Variants in IGSF9B observed in about 807,000 individuals in gnomAD.
IGSF9B encodes immunoglobulin superfamily member 9B.
Under a neutral mutation model 143.7 loss-of-function variants are expected in IGSF9B, and 48 were observed. The ratio of observed to expected loss-of-function variants is 0.33; its 90% CI spans 0.26 to 0.42. The LOEUF is 0.42. Among genes scored for constraint, IGSF9B ranks in the 20% least tolerant of loss-of-function variants. IGSF9B has a pLI of 1.00. For synonymous variants in IGSF9B, 903 were observed against 833.1 expected (o/e 1.08, Z -1.44); for missense variants, 1,706 against 1,980.0 (o/e 0.86, Z 2.63).
chr11:133,948,336 A>G lies in IGSF9B; in HGVS notation c.65-2078T>C, dbSNP rs1940096558. 6.6e-6 allele frequency among the ~76,000 whole-genome samples: 1 copy of G among 152,166 alleles called. No homozygotes were observed. Among genetic ancestry groups the G allele is most frequent in the Non-Finnish European group, 1.5e-5 (1 of 68,030 alleles). On this transcript the variant is annotated intron_variant, in intron 1 of 19. Transcript: ENST00000533871. The surrounding 1 kb of genome is among the most constrained non-coding windows in gnomAD (Gnocchi z 4.7). ...TCACAGTTTTCTAGAGAAAGAGCTA[A>G]GATCACAGAGTATTTTTGGAGCAGA...
At chr11:133,923,234 C>T (rs898096485) in intron 15 of IGSF9B, among the ~76,000 whole-genome samples, 2 of 152,230 alleles carry the variant, frequency 1.3e-5, no homozygotes, top group African/African-American at 4.8e-5. Context: ...ACACCAGTGT[C>T]TCTACAAAAG....
intron 3 of IGSF9B, 121 bp downstream of exon 3, chr11:133,944,098 GA>G: frequency 9.3e-7 from 1 of 1,075,174 alleles, no homozygotes; most frequent in East Asian, 2.6e-5. Flanking sequence ...CAGCAACAAG[GA>G]GGGGGGCAGG....
rs376746067 is a variant in IGSF9B, at chr11:133,923,349, C to T, written c.2120-619G>A. ...CTCCCCTTCTAGTACAGGCATGCAA[C>T]GTCCTGAAGATTCGCATCCTGGTCA... On this transcript the variant is annotated intron_variant, in intron 15 of 19. Coordinates refer to ENST00000533871, the MANE Select transcript of IGSF9B (RefSeq NM_001277285.4). Among the ~76,000 whole-genome samples the T allele has an allele frequency of 8.5e-5, 13 of 152,228 alleles. 1 individual carries two copies. Among genetic ancestry groups the T allele is most frequent in the South Asian group, 8.3e-4 (4 of 4,834 alleles).
chr11:133,955,216 GC>G, intron 1 of IGSF9B, among the ~76,000 whole-genome samples: 1 of 152,242 alleles, frequency 6.6e-6, no homozygotes, highest in African/African-American at 2.4e-5. Flanking sequence ...GTCAAGCGCA[GC>G]CCGATGCACC....
chr11:133,912,082 C>A, intron 18 of IGSF9B, 75 bp from the exon 19 acceptor site: 1 of 1,459,486 alleles, frequency 6.9e-7, no homozygotes, highest in Non-Finnish European at 9.0e-7. Flanking sequence ...TGGAAGAAAG[C>A]CAAGTAGCTG....
In IGSF9B at chr11:133,919,748, G is replaced by T; in HGVS notation, c.3977C>A (p.Thr1326Asn). 6.9e-7 allele frequency: 1 copy of T among 1,458,450 alleles called. No individual in the cohort carries two copies. Among genetic ancestry groups the T allele is most frequent in the South Asian group, 1.6e-5 (1 of 63,492 alleles). The allele number at this position is 1,458,450 out of a possible 1,614,324, so 90.3% of individuals were successfully genotyped here. ...RPETPPPTLP[T>N]SGTLPPAPGN... Reference sequence around the variant, plus strand: ...GAAGAGGCGGCGCACTCACCCTGAAGTAGGTAACGTGGGTGGTGGGGTCTC... The same window carrying T: ...GAAGAGGCGGCGCACTCACCCTGAATTAGGTAACGTGGGTGGTGGGGTCTC... The change falls in exon 18 of 20, where the codon ACT (threonine) becomes AAT (asparagine). Residue 1326 changes from threonine (T) to asparagine (N), a missense_variant. Around this residue, in one of 7 missense-constraint regions of IGSF9B, gnomAD observed 880 missense variants for 762.9 expected, o/e 1.15. Coordinates refer to ENST00000533871, the MANE Select transcript of IGSF9B (RefSeq NM_001277285.4).
chr11:133,949,423 T>C (rs977167187), intron 1 of IGSF9B, among the ~76,000 whole-genome samples: 2 of 152,062 alleles, frequency 1.3e-5, no homozygotes, highest in African/African-American at 2.4e-5. Context: ...GTATGTCTAA[T>C]AACACACTCT....
intron 13 of IGSF9B, 50 bp from the exon 14 acceptor site, chr11:133,926,015 C>T: frequency 7.6e-7 from 1 of 1,316,524 alleles, no homozygotes; most frequent in South Asian, 1.3e-5. Flanking sequence ...AGGCCCAGGG[C>T]AGCCACCGCA....
At position 133,946,157 on chromosome 11, in the gene IGSF9B, G is replaced by T. The variant is rs775086019; in HGVS notation, c.166C>A (p.Pro56Thr). The change falls in exon 2 of 20, where the codon CCA becomes ACA. Residue 56 changes from proline (P) to threonine (T), a missense_variant. Physicochemically the swap from Pro to Thr is conservative, Grantham distance 38. Coordinates refer to ENST00000533871, the MANE Select transcript of IGSF9B (RefSeq NM_001277285.4). The stretch of plus-strand genomic sequence containing the variant: ...TTGAACCACTCTACGACATAGGGTG[G>T]GGGCTGTCCCGTCACTGGGTGGATC... ...DVIHPVTGQP[P>T]PYVVEWFKFG... is the part of the protein sequence containing the mutation. 1 of 1,613,132 alleles carries T rather than the reference G, an allele frequency of 6.2e-7. No homozygotes were observed. The highest frequency in any genetic ancestry group is 8.5e-7 in the Non-Finnish European group (1 of 1,179,686).
chr11:133,946,492 G>C (rs1257389528), intron 1 of IGSF9B, among the ~76,000 whole-genome samples: 2 of 151,658 alleles, frequency 1.3e-5, no homozygotes, highest in South Asian at 4.2e-4. Flanking sequence ...AAGGAAGGGA[G>C]AGGAAAAGAG....
At chr11:133,930,859 A>C (rs1939711451) in intron 11 of IGSF9B, 125 bp downstream of exon 11, 2 of 1,016,710 alleles carry the variant, frequency 2.0e-6, no homozygotes, top group Non-Finnish European at 2.8e-6. Context: ...TCAGGGCTGC[A>C]CTGACTTAGG....
At chr11:133,935,843 A>G in intron 6 of IGSF9B, 81 bp from the exon 7 acceptor site, 1 of 1,538,404 alleles carries the variant, frequency 6.5e-7, no homozygotes, top group Non-Finnish European at 8.8e-7. Flanking sequence ...TCACTGCCCC[A>G]GATGTGGCAT....
intron 5 of IGSF9B, among the ~76,000 whole-genome samples, chr11:133,937,114 G>A (rs1939838708): frequency 6.6e-6 from 1 of 152,184 alleles, no homozygotes; most frequent in Non-Finnish European, 1.5e-5. Context: ...GGAGAAACCA[G>A]AAACCCACAC....
At position 133,901,371 on chromosome 11, in the gene IGSF9B, A is replaced by C. The variant is rs1453072360; in HGVS notation, c.*7698T>G. ...CAAAACATCTCTAAGCACAGGTACA[A>C]AAATAAAGCAAACTATGACTTCATA... is the stretch of plus-strand genomic sequence containing the variant. On this transcript the variant is annotated 3_prime_UTR_variant, in exon 20 of 20. Transcript: ENST00000533871. 1 of 152,136 alleles carries C rather than the reference A, an allele frequency of 6.6e-6. No homozygotes were observed. Among genetic ancestry groups the C allele is most frequent in the Non-Finnish European group, 1.5e-5 (1 of 68,030 alleles). The allele number at this position is 152,136 out of a possible 1,614,324, so 9.4% of individuals were successfully genotyped here. A position where few individuals can be genotyped will look rare whatever the true frequency, so the allele number is the denominator to read the frequency against.
chr11:133,910,438 G>A (rs1054903389), intron 19 of IGSF9B, among the ~76,000 whole-genome samples: 2 of 152,154 alleles, frequency 1.3e-5, no homozygotes, highest in African/African-American at 4.8e-5. Flanking sequence ...TGTTGCAAAG[G>A]CTGAGCTAAC....
chr11:133,920,363 C>T lies in IGSF9B; in HGVS notation c.3362G>A (p.Trp1121Ter). The T allele has an allele frequency of 6.2e-7, 1 of 1,604,938 alleles. No homozygotes were observed. Among genetic ancestry groups the T allele is most frequent in the Non-Finnish European group, 8.5e-7 (1 of 1,176,142 alleles). The change falls in exon 18 of 20, where the codon TGG becomes TAG. Residue 1121 changes from tryptophan (W) to a stop codon, truncating the protein, a stop_gained. Transcript: ENST00000533871. LOFTEE classifies it high-confidence loss of function. Reference sequence around the variant, plus strand: ...CAGAGGTTGCATAGGTCTGTCCTGCCACTTGGCGGCGGGGGGCGCTGGGAC... The same window carrying T: ...CAGAGGTTGCATAGGTCTGTCCTGCTACTTGGCGGCGGGGGGCGCTGGGAC... ...GPVPAPPAAK[W>*]QDRPMQPLVS...
Position 133,920,622 on chromosome 11 carries a change from G to C in IGSF9B, c.3103C>G (p.Arg1035Gly), listed in dbSNP as rs765281579. 1.2e-6 allele frequency: 2 copies of C among 1,613,468 alleles called. No homozygotes were observed. The highest frequency in any genetic ancestry group is 8.5e-7 in the Non-Finnish European group (1 of 1,179,820). Reference protein sequence around the residue: ...LPLTQTPTGGRSPEPWGRPEF... With the variant: ...LPLTQTPTGGGSPEPWGRPEF... Reference sequence around the variant, plus strand: ...GGCCGGCCCCAGGGCTCAGGGGAGCGCCCTCCTGTAGGTGTCTGAGTCAAG... The same window carrying C: ...GGCCGGCCCCAGGGCTCAGGGGAGCCCCCTCCTGTAGGTGTCTGAGTCAAG... The change falls in exon 18 of 20, where the codon CGC becomes GGC. Residue 1035 changes from arginine (R) to glycine (G), a missense_variant. This residue lies in a region of IGSF9B where 880 missense variants were observed against 762.9 expected (regional missense o/e 1.15). Coordinates refer to ENST00000533871, the MANE Select transcript of IGSF9B (RefSeq NM_001277285.4).
intron 1 of IGSF9B, among the ~76,000 whole-genome samples, chr11:133,946,531 G>A (rs923960618): frequency 6.6e-6 from 1 of 152,030 alleles, no homozygotes; most frequent in Non-Finnish European, 1.5e-5. Flanking sequence ...AGCCCTACAC[G>A]CCAGCTCTTC....
intron 12 of IGSF9B, among the ~76,000 whole-genome samples, chr11:133,927,670 G>A (rs1300552777): frequency 6.6e-6 from 1 of 152,224 alleles, no homozygotes; most frequent in African/African-American, 2.4e-5. Flanking sequence ...TTGGAAGAAG[G>A]TCACGCTATG....
Sources: allele counts gnomAD v4.1 joint callset (sites outside exome capture counted in the v4.1 genomes callset), GRCh38; gene constraint gnomAD v4.1.1; regional missense constraint gnomAD v4.1.1; non-coding constraint Gnocchi (gnomAD v3.1); transcripts MANE v1.5; gene names NCBI Gene and HGNC (gene_info 2026-07-23, HGNC 2026-07-21).